Variants in SELENOT observed in about 807,000 individuals in gnomAD.
SELENOT encodes the protein selenoprotein T, also known as thioredoxin reductase-like selenoprotein T.
Under a neutral mutation model 24.3 loss-of-function variants are expected in SELENOT, and 9 were observed. That is an observed-to-expected ratio of 0.37 (90% CI 0.22 to 0.65). The LOEUF (loss-of-function observed/expected upper bound fraction) is 0.65. SELENOT is among the 30% of genes least tolerant of loss of function. The pLI is 0.60. For missense variants in SELENOT, 166 were observed against 247.6 expected (o/e 0.67, Z 2.21); for synonymous variants, 81 against 86.0 (o/e 0.94, Z 0.32).
At chr3:150,611,195 A>T in intron 1 of SELENOT, 1 of 802,882 alleles carries the variant, frequency 1.2e-6, no homozygotes, top group Non-Finnish European at 2.0e-6. Context: ...CACAAAGAAC[A>T]TTTCTACATG....
intron 2 of SELENOT, 24 bp downstream of exon 2, chr3:150,622,519 A>G (rs771830972): frequency 5.0e-6 from 6 of 1,190,090 alleles, no homozygotes; most frequent in Non-Finnish European, 7.0e-6. Flanking sequence ...ATAACTTAAA[A>G]GGAAAACAAT....
intron 1 of SELENOT, chr3:150,619,014 T>G (rs1726278006): frequency 6.6e-6 from 1 of 151,384 alleles, no homozygotes; most frequent in South Asian, 2.1e-4. Context: ...TATAGTAAGG[T>G]ATATCTGTGT....
intron 1 of SELENOT, among the ~76,000 whole-genome samples, chr3:150,612,806 A>C (rs937705972): frequency 1.3e-5 from 2 of 152,226 alleles, no homozygotes; most frequent in Non-Finnish European, 2.9e-5. Context: ...ACTAACTTCC[A>C]AAGTTCATTT....
At chr3:150,613,749 A>G (rs546981686) in intron 1 of SELENOT, among the ~76,000 whole-genome samples, 2 of 138,314 alleles carry the variant, frequency 1.4e-5, no homozygotes, top group African/African-American at 5.5e-5. Context: ...ATGACGGTGC[A>G]TTCATCTCAT....
chr3:150,626,115 C>T (rs1422459995), intron 4 of SELENOT, among the ~76,000 whole-genome samples: 9 of 152,092 alleles, frequency 5.9e-5, no homozygotes, highest in East Asian at 1.9e-4. Flanking sequence ...GTGATCCGCC[C>T]GCCTCCACCT....
In SELENOT at chr3:150,630,151, G is replaced by C. The variant is rs1363823880; in HGVS notation, c.*2522G>C. ...ATGACACTAACACTATTAATGACAG[G>C]AGTCAATCAGCCTTTACAGCTATCA... On this transcript the variant is annotated 3_prime_UTR_variant, in exon 6 of 6. Transcript: ENST00000471696. The C allele has an allele frequency of 6.6e-6, 1 of 152,152 alleles. No individual in the cohort carries two copies. Among genetic ancestry groups the C allele is most frequent in the Non-Finnish European group, 1.5e-5 (1 of 68,040 alleles). The allele number at this position is 152,152 out of a possible 1,614,324, so 9.4% of individuals were successfully genotyped here.
intron 1 of SELENOT, among the ~76,000 whole-genome samples, chr3:150,604,984 C>T (rs1017487120): frequency 2.0e-5 from 3 of 149,804 alleles, no homozygotes; most frequent in Admixed American, 1.3e-4. Context: ...TTGCGGTGAG[C>T]CGAGAACGCG....
At chr3:150,618,961 T>C (rs560340794) in intron 1 of SELENOT, 3 of 152,290 alleles carry the variant, frequency 2.0e-5, no homozygotes, top group Admixed American at 2.0e-4. Flanking sequence ...AAAGTACTGT[T>C]TCCAAAATAT....
At chr3:150,626,119 TC>T (rs1291276356) in intron 4 of SELENOT, among the ~76,000 whole-genome samples, 1 of 152,092 alleles carries the variant, frequency 6.6e-6, no homozygotes, top group Non-Finnish European at 1.5e-5. Context: ...TCCGCCCGCC[TC>T]CACCTCCGCC....
intron 3 of SELENOT, 104 bp from the exon 4 acceptor site, chr3:150,624,708 A>G: frequency 1.6e-6 from 1 of 627,310 alleles, no homozygotes; most frequent in Non-Finnish European, 2.7e-6. Context: ...ATCTGAACAT[A>G]TGGAATAGCA....
Position 150,622,487 on chromosome 3 carries a change from A to G in SELENOT, c.240A>G (p.Pro80=). 7.0e-7 allele frequency: 1 copy of G among 1,422,760 alleles called. No homozygotes were observed. Among genetic ancestry groups the G allele is most frequent in the Non-Finnish European group, 9.4e-7 (1 of 1,062,056 alleles). 88.1% of individuals were successfully genotyped at this position (1,422,760 alleles called of 1,614,324 possible). ...AAGGAGAGAATTACCTCCCTCAACCAATATATAGGTAAGAAATTTTAATAA... is the reference window on the plus strand; with the variant it reads ...AAGGAGAGAATTACCTCCCTCAACCGATATATAGGTAAGAAATTTTAATAA... ...RIEGENYLPQ[P]IYRHIASFLS... Residue 80 remains proline (P), a synonymous_variant, in exon 2 of 6, where the codon CCA becomes CCG. Transcript: ENST00000471696.
intron 1 of SELENOT, among the ~76,000 whole-genome samples, chr3:150,621,758 CT>C (rs1282384154): frequency 6.6e-6 from 1 of 151,044 alleles, no homozygotes; most frequent in African/African-American, 2.4e-5. Context: ...CTTCGTTTTC[CT>C]TGGCAAAGTA....
In SELENOT at chr3:150,628,663, T is replaced by A. The variant is rs1481924180; in HGVS notation, c.*1034T>A. 6.6e-6 allele frequency: 1 copy of A among 152,284 alleles called. No individual in the cohort carries two copies. Among genetic ancestry groups the A allele is most frequent in the Admixed American group, 6.5e-5 (1 of 15,296 alleles). 9.4% of individuals were successfully genotyped at this position (152,284 alleles called of 1,614,324 possible). On this transcript the variant is annotated 3_prime_UTR_variant, in exon 6 of 6. Transcript: ENST00000471696. ...TTTATTGTATATGATGAACAAAACT[T>A]AAAATTTTTTAAATTTAATTTTTAA...
At chr3:150,621,593 T>C (rs1349716227) in intron 1 of SELENOT, among the ~76,000 whole-genome samples, 1 of 148,482 alleles carries the variant, frequency 6.7e-6, no homozygotes, top group African/African-American at 2.5e-5. Context: ...TTATCTCATA[T>C]GCACTCTGGT....
intron 1 of SELENOT, among the ~76,000 whole-genome samples, chr3:150,617,516 C>T (rs1486552521): frequency 6.6e-6 from 1 of 152,128 alleles, no homozygotes; most frequent in African/African-American, 2.4e-5. Flanking sequence ...AGAAGGATTG[C>T]TTATTTCCTG....
intron 1 of SELENOT, chr3:150,611,573 T>C: frequency 7.8e-7 from 1 of 1,275,022 alleles, no homozygotes; most frequent in Non-Finnish European, 1.1e-6. Context: ...TGAATTAAGT[T>C]TTTATGATAA....
chr3:150,618,962 T>G (rs1052588651), intron 1 of SELENOT: 7 of 152,224 alleles, frequency 4.6e-5, no homozygotes, highest in Admixed American at 2.6e-4. Flanking sequence ...AAGTACTGTT[T>G]CCAAAATATT....
At chr3:150,616,493 C>G in intron 1 of SELENOT, among the ~76,000 whole-genome samples, 3 of 147,696 alleles carry the variant, frequency 2.0e-5, no homozygotes, top group African/African-American at 7.7e-5. Context: ...TGAACTCAAA[C>G]AAATTTACAA....
At chr3:150,609,688 T>C (rs1726039442) in intron 1 of SELENOT, among the ~76,000 whole-genome samples, 2 of 152,166 alleles carry the variant, frequency 1.3e-5, no homozygotes, top group African/African-American at 4.8e-5. Context: ...TGTCAGGATA[T>C]AGAAAGTTGG....
Sources: gnomAD v4.1 joint callset for allele counts (sites outside exome capture counted in the v4.1 genomes callset) on GRCh38, gnomAD v4.1.1 for gene constraint, MANE v1.5 for transcripts, NCBI Gene and HGNC (gene_info 2026-07-23, HGNC 2026-07-21) for gene names.